Variants in NAGK observed in about 807,000 individuals in gnomAD.
NAGK encodes the protein N-acetylglucosamine kinase.
A neutral mutation model predicts 42.9 loss-of-function variants in NAGK; 35 were observed. That is an observed-to-expected ratio of 0.82 (90% CI 0.62 to 1.08). NAGK has a LOEUF of 1.08. Ranked by LOEUF, NAGK falls within the 50% of genes least tolerant of loss-of-function variation. The pLI, the probability that NAGK is intolerant of heterozygous loss-of-function variation, is 0.00. For synonymous variants in NAGK, 172 were observed against 176.0 expected (o/e 0.98, Z 0.18); for missense variants, 446 against 446.0 (o/e 1.00, Z 0.00).
chr2:71,068,859 G>C, intron 1 of NAGK, 147 bp downstream of exon 1: 1 of 1,376,796 alleles, frequency 7.3e-7, no homozygotes, highest in Non-Finnish European at 9.3e-7. Context: ...CACGCGCAGG[G>C]GCGCCCTGGA....
intron 6 of NAGK, chr2:71,074,829 T>C (rs34550823): frequency 0.13 from 20,162 of 152,122 alleles, 1,418 homozygotes; most frequent in Middle Eastern, 0.17. Flanking sequence ...GCAGAGAGAA[T>C]TGCTTGAACC....
At chr2:71,076,754 T>C in intron 8 of NAGK, 53 bp downstream of exon 8, 2 of 1,442,928 alleles carry the variant, frequency 1.4e-6, no homozygotes, top group Non-Finnish European at 1.9e-6. Flanking sequence ...GAGTGGTCCT[T>C]TCCCACTGTG....
In NAGK at chr2:71,071,683, T is replaced by G; in HGVS notation, c.214-3T>G. On this transcript the variant is annotated splice_region_variant and splice_polypyrimidine_tract_variant and intron_variant, in intron 3 of 9. Transcript: ENST00000244204. ...ACACTCGCTCACCTCCCGCGTGGCCTAGGGCCTATCTCTGAGCGGTGGGGA... is the reference window on the plus strand; with the variant it reads ...ACACTCGCTCACCTCCCGCGTGGCCGAGGGCCTATCTCTGAGCGGTGGGGA... 1 of 1,612,248 alleles carries G rather than the reference T, an allele frequency of 6.2e-7. No homozygotes were observed. Among genetic ancestry groups the G allele is most frequent in the South Asian group, 1.1e-5 (1 of 90,858 alleles).
chr2:71,074,136 GAAC>G (rs1672126765), intron 6 of NAGK, among the ~76,000 whole-genome samples: 1 of 152,156 alleles, frequency 6.6e-6, no homozygotes, highest in African/African-American at 2.4e-5. Flanking sequence ...GCCTTTAGCG[GAAC>G]CAGAGGTAAA....
intron 5 of NAGK, 90 bp from the exon 6 acceptor site, chr2:71,073,392 C>G: frequency 1.4e-6 from 1 of 719,378 alleles, no homozygotes; most frequent in East Asian, 4.5e-5. Flanking sequence ...AAAATTCAAG[C>G]AGATCACTAA....
chr2:71,069,085 A>G, intron 1 of NAGK: 2 of 1,027,664 alleles, frequency 1.9e-6, no homozygotes, highest in Non-Finnish European at 2.3e-6. Context: ...GAGCGCGGGC[A>G]GGGTGGGGAG....
intron 6 of NAGK, chr2:71,074,556 C>G (rs994294064): frequency 6.6e-6 from 1 of 152,218 alleles, no homozygotes; most frequent in Non-Finnish European, 1.5e-5. Flanking sequence ...TAGTATATAA[C>G]GTGCTTACTA....
intron 7 of NAGK, 61 bp from the exon 8 acceptor site, chr2:71,076,543 C>A: frequency 7.4e-7 from 1 of 1,360,318 alleles, no homozygotes; most frequent in South Asian, 1.3e-5. Context: ...GAGAGGATAG[C>A]CCAGGAATGG....
At chr2:71,069,617 T>C (rs1671922936) in intron 1 of NAGK, 1 of 153,738 alleles carries the variant, frequency 6.5e-6, no homozygotes, top group African/African-American at 2.4e-5. Flanking sequence ...GGAGTCTGCA[T>C]TCATCCTTGT....
At chr2:71,076,746 G>A in intron 8 of NAGK, 45 bp downstream of exon 8, 4 of 1,521,194 alleles carry the variant, frequency 2.6e-6, no homozygotes, top group Non-Finnish European at 3.6e-6. Flanking sequence ...TGGGTGAGGA[G>A]TGGTCCTTTC....
intron 9 of NAGK, 146 bp from the exon 10 acceptor site, chr2:71,078,170 CCT>C: frequency 2.8e-6 from 2 of 720,556 alleles, no homozygotes; most frequent in African/African-American, 1.8e-5. Flanking sequence ...CCCAGTGCAC[CCT>C]GTGTGCTGGG....
Position 71,071,825 on chromosome 2 carries a change from A to T in NAGK, c.353A>T (p.Asp118Val). Residue 118 changes from aspartate (D) to valine (V), a missense_variant and splice_region_variant, in exon 4 of 10, where the codon GAT becomes GTT. Transcript: ENST00000244204. ...AAGSIATATP[D>V]GGVVLISGTG... ...GGCTCCATCGCCACAGCTACACCGGATGGTGAGGAAGTGGAGGGAGGGGTG... is the reference window on the plus strand; with the variant it reads ...GGCTCCATCGCCACAGCTACACCGGTTGGTGAGGAAGTGGAGGGAGGGGTG... The T allele has an allele frequency of 6.2e-7, 1 of 1,613,984 alleles. No homozygotes were observed. Among genetic ancestry groups the T allele is most frequent in the Non-Finnish European group, 8.5e-7 (1 of 1,179,952 alleles).
intron 3 of NAGK, 56 bp from the exon 4 acceptor site, chr2:71,071,630 G>T: frequency 6.5e-7 from 1 of 1,549,120 alleles, no homozygotes; most frequent in South Asian, 1.2e-5. Flanking sequence ...GGCGGGGGTT[G>T]AGAAAAGAGC....
chr2:71,076,398 G>T, intron 7 of NAGK: 1 of 516,772 alleles, frequency 1.9e-6, no homozygotes. Flanking sequence ...TCTGTACAGG[G>T]CACCCCTCTA....
At chr2:71,068,906 G>T in intron 1 of NAGK, 194 bp downstream of exon 1, 1 of 1,303,738 alleles carries the variant, frequency 7.7e-7, no homozygotes, top group Non-Finnish European at 9.7e-7. Flanking sequence ...CTCTGCCTGT[G>T]CAACAGCCAC....
chr2:71,077,051 C>T (rs1177460932), intron 8 of NAGK, among the ~76,000 whole-genome samples: 2 of 152,142 alleles, frequency 1.3e-5, no homozygotes, highest in African/African-American at 2.4e-5. Flanking sequence ...GCAGCCTCCA[C>T]CTCCCACTCT....
intron 9 of NAGK, among the ~76,000 whole-genome samples, chr2:71,077,840 T>C (rs1325156904): frequency 1.3e-5 from 2 of 152,244 alleles, no homozygotes; most frequent in Non-Finnish European, 2.9e-5. Flanking sequence ...CTTGAACTCT[T>C]GAAAAGATGT....
At chr2:71,076,744 G>A in intron 8 of NAGK, 43 bp downstream of exon 8, 1 of 1,536,188 alleles carries the variant, frequency 6.5e-7, no homozygotes, top group South Asian at 1.1e-5. Context: ...GCTGGGTGAG[G>A]AGTGGTCCTT....
chr2:71,071,952 CTT>C, intron 4 of NAGK, 125 bp downstream of exon 4: 2 of 1,285,848 alleles, frequency 1.6e-6, no homozygotes, highest in Middle Eastern at 2.1e-4. Context: ...CCCCTCAACT[CTT>C]TAAGTAGTTT....
Sources: allele counts gnomAD v4.1 joint callset (sites outside exome capture counted in the v4.1 genomes callset), GRCh38; gene constraint gnomAD v4.1.1; transcripts MANE v1.5; gene names NCBI Gene and HGNC (gene_info 2026-07-23, HGNC 2026-07-21).